C12orf56: variants seen among roughly 807,000 people sequenced by gnomAD.
C12orf56 encodes the protein uncharacterized protein C12orf56.
A neutral mutation model predicts 69.9 loss-of-function variants in C12orf56; 71 were observed. The ratio of observed to expected loss-of-function variants is 1.02; its 90% CI spans 0.84 to 1.24. The LOEUF (loss-of-function observed/expected upper bound fraction) is 1.24. Among genes scored for constraint, C12orf56 ranks in the 50% most tolerant of loss-of-function variants. The pLI is 0.00. For synonymous variants in C12orf56, 276 were observed against 274.1 expected, an observed-to-expected ratio of 1.01 and a Z score of -0.07; for missense variants, 732 against 738.5, an observed-to-expected ratio of 0.99 and a Z score of 0.10.
At chr12:64,300,988 G>A (rs533962269) in intron 6 of C12orf56, among the ~76,000 whole-genome samples, 96 of 152,290 alleles carry the variant, frequency 6.3e-4, no homozygotes, top group African/African-American at 2.1e-3. Flanking sequence ...GTCCTCATGA[G>A]ATCTGATGGT....
chr12:64,356,170 C>CAAAAAAAAA (rs761289428), intron 1 of C12orf56, among the ~76,000 whole-genome samples: 7 of 48,432 alleles, frequency 1.4e-4, no homozygotes, highest in African/African-American at 5.6e-4. Flanking sequence ...GACTCCATCT[C>CAAAAAAAAA]AAAAAAAAAA....
chr12:64,300,932 T>C (rs1457932666), intron 6 of C12orf56, among the ~76,000 whole-genome samples: 3 of 152,158 alleles, frequency 2.0e-5, no homozygotes, highest in Admixed American at 6.5e-5. Flanking sequence ...AGGGTCCTGG[T>C]GGGAGGTGAT....
chr12:64,281,921 GA>G (rs1232209965), intron 8 of C12orf56, among the ~76,000 whole-genome samples: 1 of 152,176 alleles, frequency 6.6e-6, no homozygotes, highest in African/African-American at 2.4e-5. Context: ...CTTGGAAACA[GA>G]AAGGTAGAGA....
At chr12:64,308,131 C>T (rs148043362) in intron 5 of C12orf56, among the ~76,000 whole-genome samples, 1 of 151,888 alleles carries the variant, frequency 6.6e-6, no homozygotes, top group Non-Finnish European at 1.5e-5. Context: ...CCAGCCTGGG[C>T]AACATGGCAA....
At chr12:64,343,403 T>C (rs1480255583) in intron 2 of C12orf56, among the ~76,000 whole-genome samples, 1 of 152,164 alleles carries the variant, frequency 6.6e-6, no homozygotes, top group South Asian at 2.1e-4. Flanking sequence ...TGAATAAGAT[T>C]ATGACACAAA....
chr12:64,275,501 ACC>A, intron 9 of C12orf56, 129 bp from the exon 10 acceptor site: 2 of 460,338 alleles, frequency 4.3e-6, no homozygotes, highest in Non-Finnish European at 7.8e-6. Context: ...TCATGCTGCC[ACC>A]CAGGTGGGAG....
chr12:64,338,832 G>A (rs1056210272), intron 2 of C12orf56: 7 of 925,308 alleles, frequency 7.6e-6, no homozygotes, highest in Non-Finnish European at 1.0e-5. Flanking sequence ...GCAGGCTCGA[G>A]TTTAGGTTTG....
chr12:64,287,352 G>GT (rs1181647720), intron 6 of C12orf56, among the ~76,000 whole-genome samples: 5 of 149,262 alleles, frequency 3.3e-5, no homozygotes, highest in South Asian at 2.1e-4. Flanking sequence ...TTTTTTTGTT[G>GT]TTTTTTTTAT....
At chr12:64,324,841 G>A (rs540223865) in intron 3 of C12orf56, among the ~76,000 whole-genome samples, 58 of 152,312 alleles carry the variant, frequency 3.8e-4, no homozygotes, top group Admixed American at 1.0e-3. Flanking sequence ...AGTTTTGGCA[G>A]TGGAGATAGA....
chr12:64,267,167 C>G lies in C12orf56; in HGVS notation c.*16G>C. 2 of 1,514,846 alleles carry G rather than the reference C, an allele frequency of 1.3e-6. No homozygotes were observed. 93.8% of individuals were successfully genotyped at this position (1,514,846 alleles called of 1,614,324 possible). A position where few individuals can be genotyped will look rare whatever the true frequency, so the allele number is the denominator to read the frequency against. On this transcript the variant is annotated 3_prime_UTR_variant, in exon 13 of 13. Coordinates refer to ENST00000543942, the MANE Select transcript of C12orf56 (RefSeq NM_001170633.2). The stretch of plus-strand genomic sequence containing the variant: ...ACATTTTATACTCTTATTAACATTG[C>G]GTACATTGTTTGTTTCTATTCAACC...
chr12:64,358,482 A>AATAATAATAATC (rs11275269), intron 1 of C12orf56, among the ~76,000 whole-genome samples: 21 of 125,944 alleles, frequency 1.7e-4, no homozygotes, highest in African/African-American at 6.3e-4. Context: ...TAATAATAAT[A>AATAATAATAATC]ATCATCATCA....
intron 1 of C12orf56, among the ~76,000 whole-genome samples, chr12:64,355,452 C>G (rs1163563298): frequency 6.6e-6 from 1 of 151,886 alleles, no homozygotes; most frequent in Non-Finnish European, 1.5e-5. Context: ...ATGATTTGAA[C>G]AGTAATTTAA....
At chr12:64,360,858 T>G (rs983493422) in intron 1 of C12orf56, among the ~76,000 whole-genome samples, 1 of 152,198 alleles carries the variant, frequency 6.6e-6, no homozygotes, top group Non-Finnish European at 1.5e-5. Flanking sequence ...ACAAAAAACC[T>G]TTGGTATAAC....
At chr12:64,296,282 G>C (rs2038364065) in intron 6 of C12orf56, among the ~76,000 whole-genome samples, 1 of 152,186 alleles carries the variant, frequency 6.6e-6, no homozygotes, top group Non-Finnish European at 1.5e-5. Flanking sequence ...GACAGCTGTA[G>C]GGAAAGTCTG....
chr12:64,330,915 G>C, intron 3 of C12orf56, 45 bp downstream of exon 3: 1 of 1,435,008 alleles, frequency 7.0e-7, no homozygotes, highest in Non-Finnish European at 9.4e-7. Context: ...ATGTAAAAAT[G>C]TTTTGGTTAG....
At chr12:64,361,999 G>T (rs12230107) in intron 1 of C12orf56, among the ~76,000 whole-genome samples, 1 of 152,238 alleles carries the variant, frequency 6.6e-6, no homozygotes, top group Non-Finnish European at 1.5e-5. Context: ...CCCAAGTGCT[G>T]GGATTACAGG....
intron 2 of C12orf56, among the ~76,000 whole-genome samples, chr12:64,347,129 C>A (rs541908047): frequency 4.6e-5 from 7 of 152,022 alleles, no homozygotes; most frequent in African/African-American, 1.7e-4. Flanking sequence ...GTGTGTGCCA[C>A]CACACCCAAC....
At position 64,330,992 on chromosome 12, in the gene C12orf56, T is replaced by C. The variant is rs1263065529; in HGVS notation, c.456A>G (p.Lys152=). The C allele has an allele frequency of 6.4e-7, 1 of 1,556,952 alleles. No homozygotes were observed. Among genetic ancestry groups the C allele is most frequent in the East Asian group, 2.4e-5 (1 of 41,854 alleles). The change falls in exon 3 of 13, where the codon AAA becomes AAG. Residue 152 remains lysine, a synonymous_variant. Coordinates refer to ENST00000543942, the MANE Select transcript of C12orf56 (RefSeq NM_001170633.2). The stretch of plus-strand genomic sequence containing the variant: ...GAGATTCTTTCAGACTTCTGGACTC[T>C]TTGCTTCTCCAAAAGGCAAGGCCGT... ...EKNGLAFWRS[K]ESRSLKESPL...
chr12:64,374,605 G>A (rs975891039), intron 1 of C12orf56, among the ~76,000 whole-genome samples: 2 of 150,866 alleles, frequency 1.3e-5, no homozygotes, highest in African/African-American at 4.9e-5. Context: ...GTGCAGTGGC[G>A]AGATCTCGGC....
Sources: gnomAD v4.1 joint callset for allele counts (sites outside exome capture counted in the v4.1 genomes callset) on GRCh38, gnomAD v4.1.1 for gene constraint, MANE v1.5 for transcripts, NCBI Gene and HGNC (gene_info 2026-07-23, HGNC 2026-07-21) for gene names.